The following ADAMTS2 variants were observed in gnomAD, a reference collection of about 807,000 sequenced individuals.
ADAMTS2 encodes A disintegrin and metalloproteinase with thrombospondin motifs 2.
In ADAMTS2, 50 loss-of-function variants were observed where a neutral mutation model predicts 123.0. That is an observed-to-expected ratio of 0.41 (90% CI 0.32 to 0.51). The LOEUF (loss-of-function observed/expected upper bound fraction) is 0.51, where lower values mean the gene tolerates loss of function less well. Among genes scored for constraint, ADAMTS2 ranks in the 20% least tolerant of loss-of-function variants. ADAMTS2 has a pLI of 0.35. For synonymous variants in ADAMTS2, 678 were observed against 695.4 expected (o/e 0.98, Z 0.39); for missense variants, 1,494 against 1,705.2 (o/e 0.88, Z 2.18).
intron 3 of ADAMTS2, among the ~76,000 whole-genome samples, chr5:179,220,391 A>G (rs992902518): frequency 1.3e-5 from 2 of 152,228 alleles, no homozygotes; most frequent in South Asian, 2.1e-4. Context: ...CCAGTCCGGT[A>G]CATGCTCCAG....
At chr5:179,123,725 G>A (rs963740621) in intron 19 of ADAMTS2, among the ~76,000 whole-genome samples, 6 of 152,260 alleles carry the variant, frequency 3.9e-5, no homozygotes, top group Admixed American at 2.6e-4. Flanking sequence ...CACTGTGCCC[G>A]GCCAACGCCT....
chr5:179,145,085 C>G (rs1043825260), intron 10 of ADAMTS2, among the ~76,000 whole-genome samples: 1 of 152,036 alleles, frequency 6.6e-6, no homozygotes. Flanking sequence ...AGCAAAGGAT[C>G]TAAATAGACA....
At chr5:179,343,434 A>T (rs1185975116) in intron 2 of ADAMTS2, among the ~76,000 whole-genome samples, 1 of 152,198 alleles carries the variant, frequency 6.6e-6, no homozygotes, top group Non-Finnish European at 1.5e-5. Flanking sequence ...GCACACACTC[A>T]CAAAGGTACA....
At chr5:179,196,080 C>T (rs1028942885) in intron 4 of ADAMTS2, among the ~76,000 whole-genome samples, 5 of 152,334 alleles carry the variant, frequency 3.3e-5, no homozygotes, top group Admixed American at 2.6e-4. Flanking sequence ...TCCCCACCGC[C>T]ACCATGCGGT....
chr5:179,231,943 GAAA>G (rs58118969), intron 3 of ADAMTS2, among the ~76,000 whole-genome samples: 29 of 149,336 alleles, frequency 1.9e-4, no homozygotes, highest in African/African-American at 6.9e-4. Flanking sequence ...AAAAGAAAAA[GAAA>G]AAAAAAAAGA....
intron 4 of ADAMTS2, among the ~76,000 whole-genome samples, chr5:179,182,963 C>T (rs1764081339): frequency 1.3e-5 from 2 of 152,198 alleles, no homozygotes; most frequent in Admixed American, 1.3e-4. Flanking sequence ...CATCGCCCTC[C>T]GTTTCCTCTG....
chr5:179,337,903 C>G (rs1757662768), intron 2 of ADAMTS2, among the ~76,000 whole-genome samples: 1 of 150,180 alleles, frequency 6.7e-6, no homozygotes, highest in South Asian at 2.1e-4. Flanking sequence ...GGTGTGGCCC[C>G]TATGAGCCTC....
rs984366668 is a variant in ADAMTS2, at chr5:179,185,891, C to A, written c.892-4736G>T. On this transcript the variant is annotated intron_variant, in intron 4 of 21. Transcript: ENST00000251582. The surrounding 1 kb of genome is among the most constrained non-coding windows in gnomAD (Gnocchi z 5.9). ...CTGCTGAGGAGCTAGAGAGGGCATGCCTGCAAATGCTCCCAGCAGGTAGCC... is the reference window on the plus strand; with the variant it reads ...CTGCTGAGGAGCTAGAGAGGGCATGACTGCAAATGCTCCCAGCAGGTAGCC... 6.6e-6 allele frequency among the ~76,000 whole-genome samples: 1 copy of A among 151,994 alleles called. No individual in the cohort carries two copies. Among genetic ancestry groups the A allele is most frequent in the South Asian group, 2.1e-4 (1 of 4,824 alleles).
In ADAMTS2 at chr5:179,132,988, G is replaced by A; in HGVS notation, c.2086-88C>T. 2 of 1,533,084 alleles carry A rather than the reference G, an allele frequency of 1.3e-6. No homozygotes were observed. The highest frequency in any genetic ancestry group is 1.8e-6 in the Non-Finnish European group (2 of 1,134,450). 95.0% of individuals were successfully genotyped at this position (1,533,084 alleles called of 1,614,324 possible). A position where few individuals can be genotyped will look rare whatever the true frequency, so the allele number is the denominator to read the frequency against. On this transcript the variant is annotated intron_variant, in intron 13 of 21. Transcript: ENST00000251582. This position sits in a 1 kb window ranked among gnomAD's most constrained non-coding sequence, Gnocchi z 6.1. ...TGTTGCCCCCAGTCTCGAACACCTG[G>A]CCTCAAGCGATCCTCCTGCCTTGGC... is the stretch of plus-strand genomic sequence containing the variant.
At chr5:179,274,025 G>A (rs1293398444) in intron 2 of ADAMTS2, among the ~76,000 whole-genome samples, 1 of 148,996 alleles carries the variant, frequency 6.7e-6, no homozygotes, top group Non-Finnish European at 1.5e-5. Context: ...CCCCAGCTCG[G>A]CCATCTGGTA....
intron 4 of ADAMTS2, among the ~76,000 whole-genome samples, chr5:179,182,142 G>A (rs540152127): frequency 2.6e-5 from 4 of 152,310 alleles, no homozygotes; most frequent in Non-Finnish European, 5.9e-5. Flanking sequence ...CAAGCACAAG[G>A]TGTGTTATTT....
chr5:179,255,298 C>A (rs1455384862), intron 3 of ADAMTS2, among the ~76,000 whole-genome samples: 3 of 152,236 alleles, frequency 2.0e-5, no homozygotes, highest in African/African-American at 7.2e-5. Flanking sequence ...GAATCCTTCA[C>A]ATCCATGGCA....
chr5:179,148,429 C>T (rs577508216), intron 10 of ADAMTS2, among the ~76,000 whole-genome samples: 15 of 152,270 alleles, frequency 9.9e-5, no homozygotes, highest in South Asian at 8.3e-4. Context: ...GTCAGGGTTG[C>T]GGTTCAAACG....
intron 5 of ADAMTS2, among the ~76,000 whole-genome samples, chr5:179,165,541 C>G (rs974332262): frequency 1.2e-4 from 18 of 152,144 alleles, no homozygotes; most frequent in Non-Finnish European, 4.4e-5. Context: ...AGGAGTGAGC[C>G]GTAGCACCCT....
chr5:179,175,821 G>A lies in ADAMTS2; in HGVS notation c.975+5251C>T, dbSNP rs150253028. ...CAGAACCACAGTAACTAGTTTATGG[G>A]TCTTTTTTGTTTGTTTGTTTCCAAG... On this transcript the variant is annotated intron_variant, in intron 5 of 21. Transcript: ENST00000251582. The surrounding 1 kb of genome is among the most constrained non-coding windows in gnomAD (Gnocchi z 4.1). Among the ~76,000 whole-genome samples the A allele has an allele frequency of 8.0e-3, 1,223 of 152,288 alleles. 10 individuals are homozygous for A. Among genetic ancestry groups the A allele is most frequent in the South Asian group, 0.019 (90 of 4,810 alleles).
intron 10 of ADAMTS2, among the ~76,000 whole-genome samples, chr5:179,143,750 G>T (rs1476023651): frequency 1.3e-5 from 2 of 152,078 alleles, no homozygotes; most frequent in Non-Finnish European, 1.5e-5. Flanking sequence ...ATTTGTGTGT[G>T]TGTGTGACAA....
At chr5:179,125,752 C>T (rs896701007) in intron 18 of ADAMTS2, among the ~76,000 whole-genome samples, 1 of 152,254 alleles carries the variant, frequency 6.6e-6, no homozygotes, top group African/African-American at 2.4e-5. Context: ...CGCCTCTGAA[C>T]CCCCATTTCC....
chr5:179,149,900 G>C (rs1216889021), intron 10 of ADAMTS2, among the ~76,000 whole-genome samples: 3 of 152,090 alleles, frequency 2.0e-5, no homozygotes, highest in African/African-American at 7.2e-5. Flanking sequence ...ATACATAAAA[G>C]GCAATTTCAC....
At chr5:179,207,262 C>T (rs1218927612) in intron 4 of ADAMTS2, among the ~76,000 whole-genome samples, 1 of 152,212 alleles carries the variant, frequency 6.6e-6, no homozygotes, top group African/African-American at 2.4e-5. Flanking sequence ...CACAAACCCG[C>T]CTTAGCCTGT....
Sources: allele counts gnomAD v4.1 joint callset (sites outside exome capture counted in the v4.1 genomes callset), GRCh38; gene constraint gnomAD v4.1.1; non-coding constraint Gnocchi (gnomAD v3.1); transcripts MANE v1.5; gene names NCBI Gene and HGNC (gene_info 2026-07-23, HGNC 2026-07-21).